ITGA6: variants seen among roughly 807,000 people sequenced by gnomAD.
ITGA6 encodes the protein integrin alpha-6.
A neutral mutation model predicts 133.6 loss-of-function variants in ITGA6; 63 were observed. The ratio of observed to expected loss-of-function variants is 0.47; its 90% CI spans 0.38 to 0.58. The LOEUF is 0.58. Among genes scored for constraint, ITGA6 ranks in the 20% least tolerant of loss-of-function variants. The pLI, the probability that ITGA6 is intolerant of heterozygous loss-of-function variation, is 0.00. For missense variants in ITGA6, 1,068 were observed against 1,309.4 expected (o/e 0.82, Z 2.85); for synonymous variants, 434 against 482.0 (o/e 0.90, Z 1.30).
intron 24 of ITGA6, among the ~76,000 whole-genome samples, chr2:172,499,349 G>A (rs935362552): frequency 2.3e-4 from 35 of 150,034 alleles, no homozygotes; most frequent in Non-Finnish European, 5.2e-4. Context: ...ATTTTTTCAA[G>A]GAGATGCCTT....
At chr2:172,455,482 G>T (rs528442698) in intron 1 of ITGA6, among the ~76,000 whole-genome samples, 1 of 152,286 alleles carries the variant, frequency 6.6e-6, no homozygotes, top group Non-Finnish European at 1.5e-5. Flanking sequence ...ATGGAGAAGG[G>T]CCAGCAAGAG....
intron 1 of ITGA6, among the ~76,000 whole-genome samples, chr2:172,437,436 T>C (rs535856103): frequency 8.5e-5 from 13 of 152,158 alleles, no homozygotes; most frequent in Non-Finnish European, 1.5e-4. Flanking sequence ...TAGGTATCAG[T>C]TGGGACAGAC....
intron 1 of ITGA6, among the ~76,000 whole-genome samples, chr2:172,453,980 C>A (rs539660798): frequency 7.2e-5 from 11 of 151,976 alleles, no homozygotes; most frequent in African/African-American, 2.2e-4. Flanking sequence ...CACACACAGT[C>A]GTATAATCAC....
chr2:172,434,516 A>G (rs1034006934), intron 1 of ITGA6, among the ~76,000 whole-genome samples: 3 of 152,158 alleles, frequency 2.0e-5, no homozygotes, highest in Non-Finnish European at 4.4e-5. Flanking sequence ...GTTCAGCCCC[A>G]TGCCAGATTC....
chr2:172,475,258 G>A (rs542520507), intron 7 of ITGA6, 136 bp downstream of exon 7: 5 of 693,690 alleles, frequency 7.2e-6, no homozygotes, highest in Middle Eastern at 3.9e-4. Flanking sequence ...ACCTGAGGTC[G>A]GGAGTTCGAG....
rs181487201 is a variant in ITGA6 at position 172,437,707 on chromosome 2, G to A, written c.182+9737G>A. On this transcript the variant is annotated intron_variant, in intron 1 of 25. Coordinates refer to ENST00000684293, the MANE Select transcript of ITGA6 (RefSeq NM_000210.4). ...GGTTTGATTGGTGATGCAAGTAGAG[G>A]AGCCTCTAGGTTGTGTTTAGAATGA... 1.3e-3 allele frequency among the ~76,000 whole-genome samples: 198 copies of A among 152,260 alleles called. 1 individual carries two copies. Among genetic ancestry groups the A allele is most frequent in the African/African-American group, 4.4e-3 (184 of 41,550 alleles).
Position 172,479,725 on chromosome 2 carries a change from G to A in ITGA6, c.1473G>A (p.Ala491=), listed in dbSNP as rs747398212. ...TCCGCCAGAAAACAGCGTGTGGGGC[G>A]CCTAGTGGGATATGGTGAGCATCCC... ...IDLRQKTACG[A]PSGICLQVKS... Residue 491 remains alanine (A), a synonymous_variant, in exon 10 of 26, where the codon GCG becomes GCA. Coordinates refer to ENST00000684293, the MANE Select transcript of ITGA6 (RefSeq NM_000210.4). 1.4e-5 allele frequency: 22 copies of A among 1,613,416 alleles called. No individual in the cohort carries two copies. The highest frequency in any genetic ancestry group is 1.6e-4 in the Middle Eastern group (1 of 6,084).
chr2:172,451,333 TGG>T (rs1684991225), intron 1 of ITGA6, among the ~76,000 whole-genome samples: 1 of 148,074 alleles, frequency 6.8e-6, no homozygotes, highest in African/African-American at 2.5e-5. Flanking sequence ...GGTGTGGTGG[TGG>T]GCACCTGTAA....
At chr2:172,470,432 C>T (rs1685869282) in intron 4 of ITGA6, among the ~76,000 whole-genome samples, 1 of 150,542 alleles carries the variant, frequency 6.6e-6, no homozygotes, top group African/African-American at 2.5e-5. Context: ...GGTTTACCTG[C>T]TTTATAAACC....
chr2:172,451,151 T>C (rs895565054), intron 1 of ITGA6, among the ~76,000 whole-genome samples: 2 of 148,666 alleles, frequency 1.3e-5, no homozygotes, highest in African/African-American at 5.0e-5. Flanking sequence ...TGAGACTCTG[T>C]CTCAAAAGAA....
Position 172,476,668 on chromosome 2 carries a change from A to G in ITGA6, c.1388+155A>G, listed in dbSNP as rs55667609. Among the ~76,000 whole-genome samples the G allele has an allele frequency of 5.2e-3, 785 of 152,048 alleles. 19 individuals carry two copies. Among genetic ancestry groups the G allele is most frequent in the East Asian group, 0.043 (225 of 5,186 alleles). ...TTCTTTTGAAGTTAGTAAACAATGT[A>G]ATAACAACCTATTTTCTAAAATCTT... On this transcript the variant is annotated intron_variant, in intron 9 of 25. Coordinates refer to ENST00000684293, the MANE Select transcript of ITGA6 (RefSeq NM_000210.4).
rs551843734 is a variant in ITGA6, at chr2:172,505,178, T to C, written c.*1110T>C. ...GAATTATAACTGTAAAGATGTTTAT[T>C]TCAGGCATTGGATATTTTTTACTTT... On this transcript the variant is annotated 3_prime_UTR_variant, in exon 26 of 26. Coordinates refer to ENST00000684293, the MANE Select transcript of ITGA6 (RefSeq NM_000210.4). The C allele has an allele frequency of 6.5e-6, 1 of 152,754 alleles. No homozygotes were observed. The highest frequency in any genetic ancestry group is 2.4e-5 in the African/African-American group (1 of 41,592). 9.5% of individuals were successfully genotyped at this position (152,754 alleles called of 1,614,324 possible). A position where few individuals can be genotyped will look rare whatever the true frequency, so the allele number is the denominator to read the frequency against.
intron 1 of ITGA6, among the ~76,000 whole-genome samples, chr2:172,457,074 A>G (rs1293024749): frequency 6.6e-6 from 1 of 152,156 alleles, no homozygotes; most frequent in Admixed American, 6.5e-5. Context: ...TGGGGAGATC[A>G]CTTGAGGTCA....
chr2:172,487,718 G>GTT lies in ITGA6; in HGVS notation c.2245-4_2245-3dup. 6.2e-7 allele frequency: 1 copy of GTT among 1,608,052 alleles called. No individual in the cohort carries two copies. Among genetic ancestry groups the GTT allele is most frequent in the Non-Finnish European group, 8.5e-7 (1 of 1,174,578 alleles). ...ATGGCCTGTGTTAACAGCTATTTAT[G>GTT]TTTTTTTAGGTCACTTTTTATTTGG... On this transcript the variant is annotated splice_polypyrimidine_tract_variant and intron_variant, in intron 16 of 25. Transcript: ENST00000684293.
chr2:172,475,758 G>A, intron 8 of ITGA6, 73 bp downstream of exon 8: 1 of 849,890 alleles, frequency 1.2e-6, no homozygotes, highest in Non-Finnish European at 2.1e-6. Context: ...TTAGGTTTAA[G>A]TGACTTTTCA....
intron 1 of ITGA6, among the ~76,000 whole-genome samples, chr2:172,441,184 G>C (rs921390850): frequency 6.6e-6 from 1 of 152,008 alleles, no homozygotes; most frequent in Non-Finnish European, 1.5e-5. Flanking sequence ...TTTTCTTACT[G>C]ATGTTTTCAT....
In ITGA6 at chr2:172,485,203, A is replaced by G; in HGVS notation, c.1793A>G (p.Asn598Ser). The G allele has an allele frequency of 6.2e-7, 1 of 1,614,032 alleles. No homozygotes were observed. Among genetic ancestry groups the G allele is most frequent in the Non-Finnish European group, 8.5e-7 (1 of 1,179,874 alleles). ...IQEPSSRRRV[N>S]SLPEVLPILN... ...GAGCCAAGCTCTCGTAGGCGAGTGA[A>G]TTCACTTCCAGAAGTTCTTCCAATT... The change falls in exon 13 of 26, where the codon AAT becomes AGT. Residue 598 changes from asparagine to serine, a missense_variant. Asn to Ser is a conservative substitution (Grantham distance 46). Around this residue, in one of 3 missense-constraint regions of ITGA6, gnomAD observed 609 missense variants for 707.2 expected, o/e 0.86. Coordinates refer to ENST00000684293, the MANE Select transcript of ITGA6 (RefSeq NM_000210.4).
chr2:172,489,787 C>A (rs1002083828), intron 20 of ITGA6, 129 bp downstream of exon 20: 7 of 881,396 alleles, frequency 7.9e-6, no homozygotes, highest in Non-Finnish European at 1.2e-5. Flanking sequence ...TTGGTTGTCA[C>A]AATTTCTCTT....
At position 172,465,479 on chromosome 2, in the gene ITGA6, A is replaced by AT. The variant is rs1264676562; in HGVS notation, c.183-57dup. The AT allele has an allele frequency of 2.6e-5, 41 of 1,595,456 alleles. No individual in the cohort carries two copies. In the Admixed American group the frequency reaches 6.8e-4, roughly 27 times the overall value. Reference sequence around the variant, plus strand: ...TCCCACTATCTCCTAGTTCTGACTGATTTAACTGTTAAACGTATATTAAAT... The same window carrying AT: ...TCCCACTATCTCCTAGTTCTGACTGATTTTAACTGTTAAACGTATATTAAAT... On this transcript the variant is annotated intron_variant, in intron 1 of 25. Coordinates refer to ENST00000684293, the MANE Select transcript of ITGA6 (RefSeq NM_000210.4).
Sources: allele counts gnomAD v4.1 joint callset (sites outside exome capture counted in the v4.1 genomes callset), GRCh38; gene constraint gnomAD v4.1.1; regional missense constraint gnomAD v4.1.1; transcripts MANE v1.5; gene names NCBI Gene and HGNC (gene_info 2026-07-23, HGNC 2026-07-21).